Variants in INTS6L observed in about 807,000 individuals in gnomAD.
The protein encoded by INTS6L is integrator complex subunit 6-like.
Under a neutral mutation model 64.7 loss-of-function variants are expected in INTS6L, and 18 were observed. The ratio of observed to expected loss-of-function variants is 0.28; its 90% CI spans 0.19 to 0.41. The LOEUF (loss-of-function observed/expected upper bound fraction) is 0.41, where lower values mean the gene tolerates loss of function less well. INTS6L is among the 10% of genes least tolerant of loss of function. The probability of loss-of-function intolerance (pLI) is 1.00; values close to 1 mark genes in which losing one functional copy is unlikely to be tolerated. For missense variants in INTS6L, 533 were observed against 661.0 expected (o/e 0.81, Z 2.12); for synonymous variants, 227 against 235.9 (o/e 0.96, Z 0.34).
intron 2 of INTS6L, among the ~76,000 whole-genome samples, chrX:135,534,324 T>C (rs1288781620): frequency 9.1e-6 from 1 of 110,448 alleles, no homozygotes; most frequent in Non-Finnish European, 1.9e-5. Context: ...CGTTAAAATA[T>C]GTGATCATGT....
Position 135,520,673 on chromosome X carries a change from C to T in INTS6L, c.-320C>T, listed in dbSNP as rs949682862. On this transcript the variant is annotated 5_prime_UTR_variant, in exon 1 of 18. Coordinates refer to ENST00000639893, the MANE Select transcript of INTS6L (RefSeq NM_001351601.3). ...GAGACGGCGCTCAGTCTGGGGCGAG[C>T]GCTCTAGTGAGCGCGGACGGATGCT... The T allele has an allele frequency of 3.0e-5, 8 of 270,759 alleles. No individual in the cohort carries two copies. The highest frequency in any genetic ancestry group is 8.1e-5 in the African/African-American group (3 of 36,860). 22.3% of individuals were successfully genotyped at this position (270,759 alleles called of 1,213,427 possible).
intron 9 of INTS6L, among the ~76,000 whole-genome samples, chrX:135,562,232 G>T (rs946633442): frequency 4.5e-5 from 5 of 111,081 alleles, no homozygotes; most frequent in African/African-American, 1.3e-4. Context: ...TTTGTCTTTT[G>T]ATTTCTCCTG....
rs1556529366 is a variant in INTS6L, at chrX:135,574,006, C to A, written c.1685C>A (p.Thr562Asn). The A allele has an allele frequency of 8.3e-7, 1 of 1,205,562 alleles. No individual in the cohort carries two copies. The highest frequency in any genetic ancestry group is 3.0e-5 in the East Asian group (1 of 33,557). The change falls in exon 13 of 18, where the codon ACC becomes AAC. Residue 562 changes from threonine to asparagine, a missense_variant. Physicochemically the swap from Thr to Asn is moderately conservative, Grantham distance 65. Transcript: ENST00000639893. Reference sequence around the variant, plus strand: ...CGTAGAGGTCTTTTAGACCAGCTGACCAGAATGAGATCCAATCTGCTGAAA... The same window carrying A: ...CGTAGAGGTCTTTTAGACCAGCTGAACAGAATGAGATCCAATCTGCTGAAA... ...IPRRGLLDQLTRMRSNLLKTH... is the reference protein window; with the variant it reads ...IPRRGLLDQLNRMRSNLLKTH...
At chrX:135,576,274 A>G (rs1175500820) in intron 14 of INTS6L, among the ~76,000 whole-genome samples, 7 of 104,277 alleles carry the variant, frequency 6.7e-5, no homozygotes, top group Non-Finnish European at 1.4e-4. Flanking sequence ...ATTGCAGTGA[A>G]CCAAGATCGT....
At chrX:135,556,838 T>C (rs1171885923) in intron 9 of INTS6L, among the ~76,000 whole-genome samples, 8 of 112,013 alleles carry the variant, frequency 7.1e-5, no homozygotes, top group African/African-American at 2.6e-4. Flanking sequence ...TGTGGAGATA[T>C]TTTCCCCTTA....
intron 15 of INTS6L, among the ~76,000 whole-genome samples, chrX:135,578,813 A>T (rs1259800928): frequency 9.0e-6 from 1 of 111,308 alleles, no homozygotes; most frequent in African/African-American, 3.3e-5. Flanking sequence ...CATGTTTCTA[A>T]TCTAGCCCCC....
chrX:135,537,027 C>T (rs1400863917), intron 2 of INTS6L, among the ~76,000 whole-genome samples: 1 of 112,252 alleles, frequency 8.9e-6, no homozygotes, highest in African/African-American at 3.2e-5. Flanking sequence ...TTCAAAAGAG[C>T]TTCAGCAACA....
intron 2 of INTS6L, among the ~76,000 whole-genome samples, chrX:135,539,136 TCTC>T (rs1262989054): frequency 1.8e-5 from 2 of 112,320 alleles, no homozygotes; most frequent in African/African-American, 6.5e-5. Context: ...GGCATTGACT[TCTC>T]CTTTCAAATT....
At chrX:135,573,106 GT>G (rs2087134273) in intron 12 of INTS6L, 73 bp downstream of exon 12, 1 of 918,488 alleles carries the variant, frequency 1.1e-6, no homozygotes, top group East Asian at 3.2e-5. Context: ...TATTCCTTTA[GT>G]TTTGAAATAA....
intron 14 of INTS6L, among the ~76,000 whole-genome samples, chrX:135,575,486 C>T (rs1166846592): frequency 1.8e-5 from 2 of 111,850 alleles, no homozygotes; most frequent in Middle Eastern, 4.2e-3. Flanking sequence ...TTCTGTAAGA[C>T]AAATGTTACT....
chrX:135,575,367 G>T, intron 14 of INTS6L, 141 bp downstream of exon 14: 4 of 724,221 alleles, frequency 5.5e-6, no homozygotes, highest in Non-Finnish European at 7.8e-6. Flanking sequence ...GCTCTTAGTG[G>T]GAGCCTCCTG....
chrX:135,522,219 G>C (rs1208802460), intron 2 of INTS6L, among the ~76,000 whole-genome samples: 1 of 112,283 alleles, frequency 8.9e-6, no homozygotes, highest in Non-Finnish European at 1.9e-5. Context: ...CAGGGGCAGA[G>C]CTTTTTAGGG....
chrX:135,537,782 C>A (rs1556509741), intron 2 of INTS6L, among the ~76,000 whole-genome samples: 1 of 112,432 alleles, frequency 8.9e-6, no homozygotes, highest in African/African-American at 3.2e-5. Flanking sequence ...AGTGCAGGTT[C>A]AATTCCCAGA....
intron 11 of INTS6L, chrX:135,571,420 CTT>C (rs2087088739): frequency 8.9e-6 from 1 of 111,884 alleles, no homozygotes; most frequent in Non-Finnish European, 1.9e-5. Flanking sequence ...GAAGTTTGGC[CTT>C]TAGGAAATGG....
At chrX:135,535,129 A>T (rs2086019079) in intron 2 of INTS6L, among the ~76,000 whole-genome samples, 1 of 111,947 alleles carries the variant, frequency 8.9e-6, no homozygotes, top group Admixed American at 9.5e-5. Flanking sequence ...TATCAGGGAA[A>T]AAGTTGTGTC....
At position 135,545,555 on chromosome X, in the gene INTS6L, A is replaced by G; in HGVS notation, c.322A>G (p.Ile108Val). 8.3e-7 allele frequency: 1 copy of G among 1,205,561 alleles called. No homozygotes were observed. Among genetic ancestry groups the G allele is most frequent in the Non-Finnish European group, 1.1e-6 (1 of 893,116 alleles). The change falls in exon 3 of 18, where the codon ATA becomes GTA. Residue 108 changes from isoleucine (I) to valine (V), a missense_variant. Transcript: ENST00000639893. Reference protein sequence around the residue: ...LLNLNRLISGIDNYGQGRNPF... With the variant: ...LLNLNRLISGVDNYGQGRNPF... ...AAATCTCAATAGATTAATATCTGGA[A>G]TAGACAATTATGGACAGGTAAAAAT...
Position 135,540,428 on chromosome X carries a change from G to T in INTS6L, c.190-4995G>T, listed in dbSNP as rs183795938. 5.2e-3 allele frequency among the ~76,000 whole-genome samples: 579 copies of T among 111,649 alleles called. 3 individuals are homozygous for T. Among genetic ancestry groups the T allele is most frequent in the Non-Finnish European group, 7.8e-3 (414 of 53,106 alleles). ...CACTGATAAATATTAGCTATCATTA[G>T]TCATCATCATGATTATTTTACCTTG... On this transcript the variant is annotated intron_variant, in intron 2 of 17. Coordinates refer to ENST00000639893, the MANE Select transcript of INTS6L (RefSeq NM_001351601.3).
chrX:135,569,627 T>C (rs1475983977), intron 10 of INTS6L, 196 bp downstream of exon 10: 3 of 259,380 alleles, frequency 1.2e-5, no homozygotes, highest in Non-Finnish European at 2.1e-5. Flanking sequence ...GAGAGCTGTT[T>C]TCTCTATTTT....
At chrX:135,539,016 A>G (rs1006744220) in intron 2 of INTS6L, among the ~76,000 whole-genome samples, 4 of 112,319 alleles carry the variant, frequency 3.6e-5, no homozygotes, top group Non-Finnish European at 7.5e-5. Flanking sequence ...ATAATTCTTA[A>G]GGGCCCTTGG....
Sources: gnomAD v4.1 joint callset for allele counts (sites outside exome capture counted in the v4.1 genomes callset) on GRCh38, gnomAD v4.1.1 for gene constraint, MANE v1.5 for transcripts, NCBI Gene and HGNC (gene_info 2026-07-23, HGNC 2026-07-21) for gene names.